The following FBXO42 variants were observed in gnomAD, a reference collection of about 807,000 sequenced individuals.
FBXO42 encodes the protein F-box only protein 42.
In FBXO42, 12 loss-of-function variants were observed where a neutral mutation model predicts 71.7. The ratio of observed to expected loss-of-function variants is 0.17; its 90% CI spans 0.11 to 0.27. The LOEUF (loss-of-function observed/expected upper bound fraction) is 0.27, where lower values mean the gene tolerates loss of function less well. Among genes scored for constraint, FBXO42 ranks in the 10% least tolerant of loss-of-function variants. The pLI is 1.00. For synonymous variants in FBXO42, 325 were observed against 327.5 expected (o/e 0.99, Z 0.08); for missense variants, 707 against 911.9 (o/e 0.78, Z 2.89).
intron 3 of FBXO42, among the ~76,000 whole-genome samples, chr1:16,297,576 T>G (rs1001804533): frequency 6.6e-6 from 1 of 152,056 alleles, no homozygotes; most frequent in African/African-American, 2.4e-5. Context: ...AGAAGTCAAG[T>G]CCAGGCCGGG....
intron 1 of FBXO42, among the ~76,000 whole-genome samples, chr1:16,341,392 G>A (rs2100633143): frequency 6.6e-6 from 1 of 152,064 alleles, no homozygotes; most frequent in Non-Finnish European, 1.5e-5. Context: ...ATGAGGTCAG[G>A]AGTTCGAGAC....
Position 16,251,134 on chromosome 1 carries a change from T to C in FBXO42, c.1690A>G (p.Lys564Glu), listed in dbSNP as rs757960749. 6.2e-7 allele frequency: 1 copy of C among 1,614,110 alleles called. No individual in the cohort carries two copies. Among genetic ancestry groups the C allele is most frequent in the Non-Finnish European group, 8.5e-7 (1 of 1,180,034 alleles). The change falls in exon 10 of 10, where the codon AAA becomes GAA. Residue 564 changes from lysine to glutamate, a missense_variant. Lys to Glu is a moderately conservative substitution (Grantham distance 56). Transcript: ENST00000375592. This position sits in a 1 kb window ranked among gnomAD's most constrained non-coding sequence, Gnocchi z 4.5. ...GAGGGGCCTTTGGAGGACATCGCTT[T>C]GATGGCTTCCAGACTCCGACGCAGG... ...GALRRSLEAI[K>E]AMSSKGPSAS...
chr1:16,284,366 T>C (rs1032124895), intron 4 of FBXO42, among the ~76,000 whole-genome samples: 7 of 152,206 alleles, frequency 4.6e-5, no homozygotes, highest in African/African-American at 1.7e-4. Context: ...TATTCCCTTT[T>C]GTTCATACAG....
At chr1:16,305,663 G>C in intron 3 of FBXO42, 140 bp downstream of exon 3, 1 of 703,926 alleles carries the variant, frequency 1.4e-6, no homozygotes, top group South Asian at 1.7e-5. Flanking sequence ...GTAGTAAGCT[G>C]TGATTATGCC....
chr1:16,318,051 G>C (rs1394369234), intron 1 of FBXO42, among the ~76,000 whole-genome samples: 11 of 152,082 alleles, frequency 7.2e-5, no homozygotes, highest in South Asian at 2.1e-4. Context: ...TTTCCTGATT[G>C]GGTACTGGTT....
chr1:16,323,794 CAAAAAAAAAAAAAA>C (rs1158421632), intron 1 of FBXO42, among the ~76,000 whole-genome samples: 21 of 63,252 alleles, frequency 3.3e-4, no homozygotes, highest in Non-Finnish European at 2.3e-4. Flanking sequence ...GACTCTGTCT[CAAAAAAAAAAAAAA>C]AAAAAAAAAA....
intron 4 of FBXO42, among the ~76,000 whole-genome samples, chr1:16,284,107 A>G (rs1192218725): frequency 6.6e-6 from 1 of 152,212 alleles, no homozygotes; most frequent in African/African-American, 2.4e-5. Context: ...AACAAAGGCT[A>G]AGTCATACAA....
chr1:16,251,455 C>G lies in FBXO42; in HGVS notation c.1369G>C (p.Asp457His). Residue 457 changes from aspartate to histidine, a missense_variant, in exon 10 of 10, where the codon GAC becomes CAC. Physicochemically the swap from Asp to His is moderately conservative, Grantham distance 81 (BLOSUM62 -1). Transcript: ENST00000375592. The surrounding 1 kb of genome is among the most constrained non-coding windows in gnomAD (Gnocchi z 4.5). Reference sequence around the variant, plus strand: ...GGAGATATGGCCTGTACAGGACTGTCCAAAGAAGAGCCACCCACAGCTGCC... The same window carrying G: ...GGAGATATGGCCTGTACAGGACTGTGCAAAGAAGAGCCACCCACAGCTGCC... ...GTAAVGGSSL[D>H]SPVQAISPST... The G allele has an allele frequency of 6.2e-7, 1 of 1,614,120 alleles. No individual in the cohort carries two copies. Among genetic ancestry groups the G allele is most frequent in the Non-Finnish European group, 8.5e-7 (1 of 1,180,022 alleles).
At position 16,277,582 on chromosome 1, in the gene FBXO42, G is replaced by A. The variant is rs190746399; in HGVS notation, c.502+17201C>T. 4.6e-5 allele frequency among the ~76,000 whole-genome samples: 7 copies of A among 151,634 alleles called. No individual in the cohort carries two copies. The South Asian group carries it at 1.0e-3, about 23-fold the overall frequency. On this transcript the variant is annotated intron_variant, in intron 4 of 9. Transcript: ENST00000375592. ...TCTACTAAAAATACAAAAACTAGCC[G>A]GGCGTGGTGGTATGCACCTGTAATC...
chr1:16,306,051 C>T (rs1166753692), intron 2 of FBXO42, 132 bp from the exon 3 acceptor site: 6 of 651,418 alleles, frequency 9.2e-6, no homozygotes, highest in Non-Finnish European at 1.6e-5. Flanking sequence ...GAGATGGAGT[C>T]TCACTCTGTC....
intron 1 of FBXO42, among the ~76,000 whole-genome samples, chr1:16,334,424 A>AC (rs1366700695): frequency 4.6e-5 from 7 of 151,352 alleles, no homozygotes; most frequent in African/African-American, 1.7e-4. Context: ...GCCTCAAAAA[A>AC]AAAAAAAAAA....
chr1:16,270,225 C>T (rs1373918150), intron 4 of FBXO42, among the ~76,000 whole-genome samples: 1 of 152,122 alleles, frequency 6.6e-6, no homozygotes, highest in African/African-American at 2.4e-5. Flanking sequence ...ACGAATTAAT[C>T]CATTCTGCTG....
At chr1:16,278,005 G>A (rs992967624) in intron 4 of FBXO42, among the ~76,000 whole-genome samples, 1 of 151,068 alleles carries the variant, frequency 6.6e-6, no homozygotes, top group African/African-American at 2.4e-5. Flanking sequence ...TCGTGCCACT[G>A]TACTCCAGCC....
At chr1:16,314,808 C>A (rs914049046) in intron 2 of FBXO42, among the ~76,000 whole-genome samples, 7 of 151,276 alleles carry the variant, frequency 4.6e-5, no homozygotes, top group African/African-American at 1.7e-4. Flanking sequence ...AACATGACCC[C>A]GGGAGGCAGA....
intron 1 of FBXO42, among the ~76,000 whole-genome samples, chr1:16,340,799 T>C (rs141868297): frequency 5.2e-4 from 79 of 152,288 alleles, no homozygotes; most frequent in African/African-American, 1.8e-3. Flanking sequence ...GGAGTAGATA[T>C]TATAGAACAA....
chr1:16,264,926 G>A (rs904431852), intron 4 of FBXO42, among the ~76,000 whole-genome samples: 1 of 152,180 alleles, frequency 6.6e-6, no homozygotes, highest in African/African-American at 2.4e-5. Context: ...GTTAAACAGT[G>A]AAGCAGTTCC....
chr1:16,281,883 TTGACCTCAAGTGATCCTCC>T (rs1048452293), intron 4 of FBXO42, among the ~76,000 whole-genome samples: 2 of 151,932 alleles, frequency 1.3e-5, no homozygotes, highest in Admixed American at 6.6e-5. Context: ...TCTCAAACTC[TTGACCTCAAGTGATCCTCC>T]TGACCTCAAG....
chr1:16,282,230 T>C (rs2081971972), intron 4 of FBXO42, among the ~76,000 whole-genome samples: 1 of 143,674 alleles, frequency 7.0e-6, no homozygotes, highest in African/African-American at 2.9e-5. Flanking sequence ...CTTTTTTTTT[T>C]TTTTCTTTTT....
chr1:16,296,355 A>G (rs1222724746), intron 3 of FBXO42, among the ~76,000 whole-genome samples: 1 of 151,564 alleles, frequency 6.6e-6, no homozygotes. Flanking sequence ...AAGGAAAAAG[A>G]AATTCACAGA....
Sources: gnomAD v4.1 joint callset for allele counts (sites outside exome capture counted in the v4.1 genomes callset) on GRCh38, gnomAD v4.1.1 for gene constraint, Gnocchi (gnomAD v3.1) non-coding constraint, MANE v1.5 for transcripts, NCBI Gene and HGNC (gene_info 2026-07-23, HGNC 2026-07-21) for gene names.